Variants in ADK observed in about 807,000 individuals in gnomAD.
ADK encodes adenosine kinase, also known as N6,N6-dimethyladenosine kinase.
In ADK, 24 loss-of-function variants were observed where a neutral mutation model predicts 44.7. The ratio of observed to expected loss-of-function variants is 0.54; its 90% CI spans 0.39 to 0.76. ADK has a LOEUF of 0.76. Ranked by LOEUF, ADK falls within the 30% of genes least tolerant of loss-of-function variation. The pLI is 0.00. For synonymous variants in ADK, 128 were observed against 142.6 expected (o/e 0.90, Z 0.73); for missense variants, 321 against 425.1 (o/e 0.76, Z 2.15).
chr10:74,300,299 C>G (rs140460782), intron 3 of ADK, among the ~76,000 whole-genome samples: 1 of 83,570 alleles, frequency 1.2e-5, no homozygotes, highest in East Asian at 3.4e-4. Flanking sequence ...TCCTTCCTTC[C>G]TTCCTTCCTT....
chr10:74,643,667 A>G (rs1403220149), intron 9 of ADK, among the ~76,000 whole-genome samples: 1 of 152,030 alleles, frequency 6.6e-6, no homozygotes, highest in Admixed American at 6.6e-5. Context: ...ATTACTGTTT[A>G]TTTTTTATTG....
intron 7 of ADK, among the ~76,000 whole-genome samples, chr10:74,553,152 G>A (rs898418102): frequency 4.7e-5 from 7 of 148,550 alleles, no homozygotes; most frequent in Non-Finnish European, 7.4e-5. Flanking sequence ...GCAGCAAACA[G>A]GCATGTTCAT....
At chr10:74,631,881 C>T (rs1340884734) in intron 9 of ADK, among the ~76,000 whole-genome samples, 1 of 152,200 alleles carries the variant, frequency 6.6e-6, no homozygotes, top group Non-Finnish European at 1.5e-5. Flanking sequence ...TCTTCCCACC[C>T]TGTTCCCACC....
chr10:74,649,326 CTT>C (rs1854170503), intron 9 of ADK, among the ~76,000 whole-genome samples: 1 of 152,062 alleles, frequency 6.6e-6, no homozygotes, highest in Admixed American at 6.5e-5. Flanking sequence ...GCTTAGAAGT[CTT>C]TTAAATTCTA....
At chr10:74,670,063 G>A (rs1589354922) in intron 9 of ADK, 120 bp from the exon 10 acceptor site, 4 of 808,014 alleles carry the variant, frequency 5.0e-6, no homozygotes, top group South Asian at 2.9e-5. Flanking sequence ...AGAATATGGA[G>A]CTTATGTCCT....
chr10:74,322,466 T>C (rs765593710), intron 4 of ADK, among the ~76,000 whole-genome samples: 8 of 152,230 alleles, frequency 5.3e-5, no homozygotes, highest in Non-Finnish European at 4.4e-5. Flanking sequence ...CTGTTCAAAT[T>C]GTGATACCTC....
chr10:74,274,161 T>C (rs1846561386), intron 3 of ADK, among the ~76,000 whole-genome samples: 1 of 152,234 alleles, frequency 6.6e-6, no homozygotes, highest in Non-Finnish European at 1.5e-5. Flanking sequence ...ATTAATAATC[T>C]ACTGTGTACC....
intron 3 of ADK, among the ~76,000 whole-genome samples, chr10:74,274,332 T>A (rs11000951): frequency 7.2e-5 from 11 of 151,766 alleles, no homozygotes; most frequent in Non-Finnish European, 7.4e-5. Context: ...GAGGCCGAGG[T>A]GGGTGGATCA....
intron 7 of ADK, among the ~76,000 whole-genome samples, chr10:74,575,027 A>T (rs994884646): frequency 2.0e-5 from 3 of 152,352 alleles, no homozygotes; most frequent in Admixed American, 1.3e-4. Context: ...AACATAAGAA[A>T]TAGCATAATA....
At chr10:74,609,257 C>T (rs535359751) in intron 9 of ADK, among the ~76,000 whole-genome samples, 3 of 152,286 alleles carry the variant, frequency 2.0e-5, no homozygotes, top group Admixed American at 6.5e-5. Context: ...AGTTCTGTCT[C>T]GCTGGCGTTC....
At chr10:74,645,009 G>A (rs918234807) in intron 9 of ADK, among the ~76,000 whole-genome samples, 6 of 152,196 alleles carry the variant, frequency 3.9e-5, no homozygotes, top group Non-Finnish European at 7.3e-5. Context: ...AGGTAGTACA[G>A]AGCAGCCCAC....
chr10:74,281,369 C>A (rs1025680543), intron 3 of ADK, among the ~76,000 whole-genome samples: 1 of 152,194 alleles, frequency 6.6e-6, no homozygotes, highest in African/African-American at 2.4e-5. Context: ...GCCTTGAGAG[C>A]CAGTTCATTG....
chr10:74,405,140 C>A (rs1481648057), intron 6 of ADK, among the ~76,000 whole-genome samples: 1 of 152,076 alleles, frequency 6.6e-6, no homozygotes, highest in Non-Finnish European at 1.5e-5. Flanking sequence ...TCTGTAATAC[C>A]TGAACTGTTA....
At chr10:74,525,567 C>T (rs1458895553) in intron 7 of ADK, 141 bp downstream of exon 7, 6 of 714,868 alleles carry the variant, frequency 8.4e-6, no homozygotes, top group Non-Finnish European at 1.4e-5. Context: ...AACAAAATTG[C>T]CTCAATGTCA....
intron 9 of ADK, among the ~76,000 whole-genome samples, chr10:74,614,057 T>C (rs1399423906): frequency 1.3e-5 from 2 of 152,158 alleles, no homozygotes; most frequent in Non-Finnish European, 2.9e-5. Flanking sequence ...TTTAGATTAT[T>C]GTAATCACAA....
At chr10:74,399,992 T>C (rs766470267) in intron 6 of ADK, among the ~76,000 whole-genome samples, 3 of 152,074 alleles carry the variant, frequency 2.0e-5, no homozygotes, top group Non-Finnish European at 2.9e-5. Context: ...ATGGAACTTT[T>C]ATGAAAGTGT....
chr10:74,164,651 C>A (rs1841988560), intron 1 of ADK, among the ~76,000 whole-genome samples: 1 of 151,960 alleles, frequency 6.6e-6, no homozygotes, highest in African/African-American at 2.4e-5. Flanking sequence ...TAAGGGTGTT[C>A]TTTAGAGAAA....
chr10:74,521,703 A>G (rs149902021), intron 6 of ADK, among the ~76,000 whole-genome samples: 6 of 152,348 alleles, frequency 3.9e-5, no homozygotes, highest in East Asian at 3.9e-4. Flanking sequence ...CCATATTACT[A>G]TGGAGACAAG....
At chr10:74,504,767 T>C (rs1847992523) in intron 6 of ADK, among the ~76,000 whole-genome samples, 1 of 152,118 alleles carries the variant, frequency 6.6e-6, no homozygotes, top group African/African-American at 2.4e-5. Context: ...GTTAGTTTTA[T>C]AAGTGTTTGA....
Sources: allele counts gnomAD v4.1 joint callset (sites outside exome capture counted in the v4.1 genomes callset), GRCh38; gene constraint gnomAD v4.1.1; transcripts MANE v1.5; gene names NCBI Gene and HGNC (gene_info 2026-07-23, HGNC 2026-07-21).